NPTN: variants seen among roughly 807,000 people sequenced by gnomAD.
NPTN encodes SDR-1.
NPTN carries 5 observed loss-of-function variants against 42.7 expected under a neutral mutation model. The ratio of observed to expected loss-of-function variants is 0.12; its 90% CI spans 0.06 to 0.25. NPTN has a LOEUF of 0.25. Among genes scored for constraint, NPTN ranks in the 10% least tolerant of loss-of-function variants. The pLI is 1.00. For synonymous variants in NPTN, 180 were observed against 201.9 expected, an observed-to-expected ratio of 0.89 and a Z score of 0.92; for missense variants, 307 against 525.4, an observed-to-expected ratio of 0.58 and a Z score of 4.06.
intron 2 of NPTN, among the ~76,000 whole-genome samples, chr15:73,593,404 T>C (rs1896688149): frequency 6.6e-6 from 1 of 151,388 alleles, no homozygotes; most frequent in East Asian, 1.9e-4. Flanking sequence ...GTATTTGCTG[T>C]TTGTTTGTTT....
chr15:73,617,425 G>A (rs1387391035), intron 1 of NPTN, among the ~76,000 whole-genome samples: 2 of 152,188 alleles, frequency 1.3e-5, no homozygotes, highest in Non-Finnish European at 2.9e-5. Flanking sequence ...ACTATCCAAT[G>A]CAGGAGGATT....
Position 73,570,699 on chromosome 15 carries a change from A to G in NPTN, c.841-276T>C, listed in dbSNP as rs1194285860. 1.3e-5 allele frequency among the ~76,000 whole-genome samples: 2 copies of G among 152,184 alleles called. No individual in the cohort carries two copies. The highest frequency in any genetic ancestry group is 2.9e-5 in the Non-Finnish European group (2 of 68,030). ...GCCTGGAGACTCAGAAAAGTCCAAC[A>G]ACCTAGTAAATGCTGCCTCCAACAC... On this transcript the variant is annotated intron_variant, in intron 5 of 8. Transcript: ENST00000345330. The surrounding 1 kb of genome is among the most constrained non-coding windows in gnomAD (Gnocchi z 4.0).
At chr15:73,609,121 T>A (rs1003281396) in intron 1 of NPTN, among the ~76,000 whole-genome samples, 5 of 152,236 alleles carry the variant, frequency 3.3e-5, no homozygotes, top group Admixed American at 6.5e-5. Flanking sequence ...TGCAATGCAC[T>A]TTCACTAGGA....
intron 4 of NPTN, among the ~76,000 whole-genome samples, chr15:73,575,755 T>C (rs539330245): frequency 6.6e-6 from 1 of 152,196 alleles, no homozygotes; most frequent in Non-Finnish European, 1.5e-5. Flanking sequence ...AGTCACAGAA[T>C]GTGCTTCCCA....
rs115909621 is a variant in NPTN at position 73,583,487 on chromosome 15, G to C, written c.706+4037C>G. On this transcript the variant is annotated intron_variant, in intron 4 of 8. Transcript: ENST00000345330. ...GTTGTGGAGACTAAAGGAGAGAAAA[G>C]GAACAAATAATGCACCTAGCACAGT... 5.6e-3 allele frequency among the ~76,000 whole-genome samples: 853 copies of C among 152,224 alleles called. 6 individuals carry two copies. Among genetic ancestry groups the C allele is most frequent in the African/African-American group, 0.02 (813 of 41,538 alleles).
intron 3 of NPTN, 39 bp downstream of exon 3, chr15:73,591,927 C>T (rs375367272): frequency 4.0e-5 from 63 of 1,571,384 alleles, no homozygotes; most frequent in African/African-American, 2.0e-4. Flanking sequence ...CTCAGCCACA[C>T]TCCCTCCCAC....
At chr15:73,618,457 G>T (rs974680214) in intron 1 of NPTN, among the ~76,000 whole-genome samples, 3 of 151,988 alleles carry the variant, frequency 2.0e-5, no homozygotes, top group African/African-American at 4.8e-5. Context: ...GATTAAAATA[G>T]AATTTAAAAA....
rs565664324 is a variant in NPTN, at chr15:73,579,696, G to A, written c.707-5901C>T. 2.0e-4 allele frequency among the ~76,000 whole-genome samples: 30 copies of A among 152,162 alleles called. 1 individual carries two copies. In the South Asian group the frequency reaches 6.2e-3, roughly 32 times the overall value. On this transcript the variant is annotated intron_variant, in intron 4 of 8. Transcript: ENST00000345330. ...AGAACACCACTTCCCCTCTTTATTT[G>A]ACACTCTGGGAAAGGGTGGCCGCCA...
Position 73,633,312 on chromosome 15 carries a change from G to A in NPTN, c.-97C>T, listed in dbSNP as rs1221550647. ...GGGAGGGGGCGGGCGAGTGCGCGAG[G>A]GAGTGAGCGAGGGAGGCAGCCGCGG... On this transcript the variant is annotated 5_prime_UTR_variant, in exon 1 of 9. Coordinates refer to ENST00000345330, the MANE Select transcript of NPTN (RefSeq NM_012428.4). 7 of 939,324 alleles carry A rather than the reference G, an allele frequency of 7.5e-6. No homozygotes were observed. Among genetic ancestry groups the A allele is most frequent in the African/African-American group, 5.2e-5 (3 of 58,162 alleles). 58.2% of individuals were successfully genotyped at this position (939,324 alleles called of 1,614,324 possible). A position where few individuals can be genotyped will look rare whatever the true frequency, so the allele number is the denominator to read the frequency against.
At chr15:73,616,317 G>T (rs1046966532) in intron 1 of NPTN, among the ~76,000 whole-genome samples, 12 of 152,098 alleles carry the variant, frequency 7.9e-5, no homozygotes, top group African/African-American at 2.9e-4. Context: ...AGACCCTAAA[G>T]ATTCTTTGGA....
intron 4 of NPTN, among the ~76,000 whole-genome samples, chr15:73,580,848 T>C (rs929756061): frequency 6.6e-6 from 1 of 151,954 alleles, no homozygotes; most frequent in African/African-American, 2.4e-5. Context: ...CCTGAAAACA[T>C]GGAAATCTGG....
intron 4 of NPTN, among the ~76,000 whole-genome samples, chr15:73,577,946 A>T (rs1273434070): frequency 6.6e-6 from 1 of 152,158 alleles, no homozygotes; most frequent in African/African-American, 2.4e-5. Flanking sequence ...GAATAGTAAT[A>T]AAACTCTGGT....
intron 1 of NPTN, among the ~76,000 whole-genome samples, chr15:73,614,772 A>G (rs149074780): frequency 6.6e-6 from 1 of 152,358 alleles, no homozygotes; most frequent in East Asian, 1.9e-4. Context: ...AATGTATAAT[A>G]AATGAAACCA....
At chr15:73,583,369 C>T (rs1236710728) in intron 4 of NPTN, among the ~76,000 whole-genome samples, 2 of 152,128 alleles carry the variant, frequency 1.3e-5, no homozygotes, top group Non-Finnish European at 2.9e-5. Flanking sequence ...CCTAGCTTCA[C>T]CAGTTAACTC....
At chr15:73,617,441 T>C (rs1226334717) in intron 1 of NPTN, among the ~76,000 whole-genome samples, 2 of 152,214 alleles carry the variant, frequency 1.3e-5, no homozygotes, top group Admixed American at 6.5e-5. Context: ...GGATTCATCC[T>C]TCCTAACTAA....
At chr15:73,625,120 A>G (rs766136285) in intron 1 of NPTN, among the ~76,000 whole-genome samples, 5 of 152,234 alleles carry the variant, frequency 3.3e-5, no homozygotes, top group Non-Finnish European at 7.3e-5. Flanking sequence ...CAAAAGCCCC[A>G]AACTACTCCA....
intron 5 of NPTN, among the ~76,000 whole-genome samples, chr15:73,571,672 T>C (rs904805110): frequency 6.6e-6 from 1 of 152,146 alleles, no homozygotes; most frequent in African/African-American, 2.4e-5. Context: ...CTCAGCGGGA[T>C]GGCTCACTGC....
chr15:73,597,424 G>GA lies in NPTN; in HGVS notation c.92-56dup. On this transcript the variant is annotated intron_variant, in intron 1 of 8. Coordinates refer to ENST00000345330, the MANE Select transcript of NPTN (RefSeq NM_012428.4). The surrounding 1 kb of genome is among the most constrained non-coding windows in gnomAD (Gnocchi z 6.3). The stretch of plus-strand genomic sequence containing the variant: ...ACAGGCCAATCAGAAAAAAAAAAAA[G>GA]AATCAACAGGTGTTAATAGTAATTT... The GA allele has an allele frequency of 8.5e-7, 1 of 1,179,340 alleles. No individual in the cohort carries two copies. The highest frequency in any genetic ancestry group is 1.2e-6 in the Non-Finnish European group (1 of 830,490). The allele number at this position is 1,179,340 out of a possible 1,614,324, so 73.1% of individuals were successfully genotyped here.
intron 1 of NPTN, among the ~76,000 whole-genome samples, chr15:73,600,322 A>G (rs1897024932): frequency 8.1e-6 from 1 of 124,168 alleles, no homozygotes; most frequent in African/African-American, 4.0e-5. Flanking sequence ...AATGCCAACA[A>G]TGGTCTTTGA....
Sources: allele counts gnomAD v4.1 joint callset (sites outside exome capture counted in the v4.1 genomes callset), GRCh38; gene constraint gnomAD v4.1.1; non-coding constraint Gnocchi (gnomAD v3.1); transcripts MANE v1.5; gene names NCBI Gene and HGNC (gene_info 2026-07-23, HGNC 2026-07-21).